Variants in GABBR2 observed in about 807,000 individuals in gnomAD.
The protein encoded by GABBR2 is G-protein coupled receptor 51.
GABBR2 carries 23 observed loss-of-function variants against 105.6 expected under a neutral mutation model. The observed-to-expected ratio is 0.22, with a 90% CI of 0.16 to 0.31. The LOEUF (loss-of-function observed/expected upper bound fraction) is 0.31. Among genes scored for constraint, GABBR2 ranks in the 10% least tolerant of loss-of-function variants. GABBR2 has a pLI of 1.00. For missense variants in GABBR2, 734 were observed against 1,245.5 expected (o/e 0.59, Z 6.18); for synonymous variants, 478 against 499.7 (o/e 0.96, Z 0.58).
intron 7 of GABBR2, among the ~76,000 whole-genome samples, chr9:98,417,814 C>A (rs1360142617): frequency 6.6e-6 from 1 of 152,160 alleles, no homozygotes; most frequent in African/African-American, 2.4e-5. Flanking sequence ...AAAGGAAGGG[C>A]ACCTCTCTTT....
chr9:98,593,782 G>T (rs1829183546), intron 1 of GABBR2, among the ~76,000 whole-genome samples: 1 of 152,142 alleles, frequency 6.6e-6, no homozygotes, highest in African/African-American at 2.4e-5. Flanking sequence ...CTGTAGGGTG[G>T]GTCCTCACCC....
chr9:98,447,411 C>T (rs1361054502), intron 7 of GABBR2, among the ~76,000 whole-genome samples: 1 of 152,062 alleles, frequency 6.6e-6, no homozygotes, highest in Non-Finnish European at 1.5e-5. Context: ...TATAAGACAC[C>T]AATGTCTGGC....
At chr9:98,560,708 T>C (rs1828661788) in intron 2 of GABBR2, among the ~76,000 whole-genome samples, 1 of 149,604 alleles carries the variant, frequency 6.7e-6, no homozygotes, top group African/African-American at 2.4e-5. Context: ...ATTTTCCACA[T>C]CTGCTTTCCT....
chr9:98,504,898 C>T (rs1451641080), intron 3 of GABBR2, among the ~76,000 whole-genome samples: 1 of 152,190 alleles, frequency 6.6e-6, no homozygotes, highest in African/African-American at 2.4e-5. Context: ...GGCTGGAGCT[C>T]CCCAGGAACT....
intron 8 of GABBR2, among the ~76,000 whole-genome samples, chr9:98,395,846 G>C (rs56921149): frequency 0.025 from 3,771 of 152,188 alleles, 165 homozygotes; most frequent in African/African-American, 0.086. Flanking sequence ...GGAAGAGCAG[G>C]CTTGAGAATG....
chr9:98,507,883 G>A (rs969688243), intron 3 of GABBR2, among the ~76,000 whole-genome samples: 14 of 152,276 alleles, frequency 9.2e-5, no homozygotes, highest in Middle Eastern at 3.4e-3. Flanking sequence ...ACCTTTCTTG[G>A]ATAATGCACA....
chr9:98,567,957 TTGAG>T (rs143426021), intron 2 of GABBR2, among the ~76,000 whole-genome samples: 1,909 of 152,210 alleles, frequency 0.013, 22 homozygotes, highest in African/African-American at 0.029. Context: ...GCTGCACTTG[TTGAG>T]TGAGAGAATG....
At chr9:98,697,022 G>A (rs1024708158) in intron 1 of GABBR2, among the ~76,000 whole-genome samples, 25 of 152,120 alleles carry the variant, frequency 1.6e-4, no homozygotes, top group African/African-American at 5.6e-4. Flanking sequence ...AAAACTTGCC[G>A]CTTGCTTTTA....
chr9:98,568,140 G>C (rs901012639), intron 2 of GABBR2, among the ~76,000 whole-genome samples: 1 of 152,154 alleles, frequency 6.6e-6, no homozygotes, highest in African/African-American at 2.4e-5. Flanking sequence ...CAAAGGAGTG[G>C]GGGTTTGGAT....
chr9:98,324,579 T>C (rs1830887480), intron 13 of GABBR2, among the ~76,000 whole-genome samples: 1 of 151,784 alleles, frequency 6.6e-6, no homozygotes, highest in African/African-American at 2.4e-5. Context: ...TCATTTCATT[T>C]TCCTGTTGTC....
chr9:98,705,886 G>A (rs1170441456), intron 1 of GABBR2, among the ~76,000 whole-genome samples: 3 of 152,016 alleles, frequency 2.0e-5, no homozygotes, highest in African/African-American at 4.8e-5. Context: ...AGACCAGCCC[G>A]ACCAACATGG....
intron 13 of GABBR2, among the ~76,000 whole-genome samples, chr9:98,334,845 G>A (rs1009127684): frequency 2.0e-5 from 3 of 152,160 alleles, no homozygotes; most frequent in Non-Finnish European, 4.4e-5. Context: ...ATCCACTATC[G>A]CTTTAGGGAG....
At chr9:98,663,340 C>T (rs956707621) in intron 1 of GABBR2, among the ~76,000 whole-genome samples, 46 of 152,094 alleles carry the variant, frequency 3.0e-4, no homozygotes, top group Admixed American at 1.2e-3. Flanking sequence ...CTCTGCAGAC[C>T]GGGGATGATG....
chr9:98,620,906 A>G (rs1242446380), intron 1 of GABBR2, among the ~76,000 whole-genome samples: 2 of 152,128 alleles, frequency 1.3e-5, no homozygotes, highest in Non-Finnish European at 2.9e-5. Flanking sequence ...TAGCTACAAA[A>G]TGGGTGCACT....
intron 1 of GABBR2, among the ~76,000 whole-genome samples, chr9:98,647,634 G>T (rs1199097786): frequency 3.3e-5 from 5 of 152,194 alleles, no homozygotes; most frequent in African/African-American, 1.2e-4. Context: ...ACTGAGTGCT[G>T]GATGTACCAG....
At chr9:98,314,584 T>C (rs1588095462) in intron 13 of GABBR2, among the ~76,000 whole-genome samples, 1 of 152,176 alleles carries the variant, frequency 6.6e-6, no homozygotes, top group South Asian at 2.1e-4. Context: ...CACACTGCAG[T>C]GGCAGGGAGC....
At chr9:98,498,021 T>C (rs1588196260) in intron 3 of GABBR2, among the ~76,000 whole-genome samples, 1 of 152,190 alleles carries the variant, frequency 6.6e-6, no homozygotes, top group Non-Finnish European at 1.5e-5. Flanking sequence ...AATTGTGGTG[T>C]ATACAGACAG....
intron 13 of GABBR2, among the ~76,000 whole-genome samples, chr9:98,319,741 G>T (rs1411494279): frequency 6.6e-6 from 1 of 152,094 alleles, no homozygotes; most frequent in Non-Finnish European, 1.5e-5. Flanking sequence ...CTTATAGGTG[G>T]AGAAACGCAG....
chr9:98,407,336 T>C (rs1399749561), intron 7 of GABBR2, among the ~76,000 whole-genome samples: 1 of 152,138 alleles, frequency 6.6e-6, no homozygotes, highest in Admixed American at 6.5e-5. Flanking sequence ...TAAAGGGGGA[T>C]CGCTCAGCCT....
Sources: gnomAD v4.1 joint callset for allele counts (sites outside exome capture counted in the v4.1 genomes callset) on GRCh38, gnomAD v4.1.1 for gene constraint, MANE v1.5 for transcripts, NCBI Gene and HGNC (gene_info 2026-07-23, HGNC 2026-07-21) for gene names.